CLSTN2: variants seen among roughly 807,000 people sequenced by gnomAD.
CLSTN2 encodes the protein calsyntenin-2.
CLSTN2 carries 48 observed loss-of-function variants against 101.2 expected under a neutral mutation model. That is an observed-to-expected ratio of 0.47 (90% CI 0.38 to 0.60). The LOEUF is 0.60. Among genes scored for constraint, CLSTN2 ranks in the 20% least tolerant of loss-of-function variants. The pLI, the probability that CLSTN2 is intolerant of heterozygous loss-of-function variation, is 0.00. For synonymous variants in CLSTN2, 481 were observed against 463.6 expected (o/e 1.04, Z -0.48); for missense variants, 1,160 against 1,238.2 (o/e 0.94, Z 0.95).
intron 8 of CLSTN2, among the ~76,000 whole-genome samples, chr3:140,483,777 T>TTTTA (rs990993236): frequency 1.2e-4 from 19 of 152,244 alleles, no homozygotes; most frequent in South Asian, 2.1e-4. Flanking sequence ...CCTGCTCTGA[T>TTTTA]TTTATTTATT....
At chr3:140,369,256 G>A (rs2087825168) in intron 2 of CLSTN2, among the ~76,000 whole-genome samples, 2 of 152,188 alleles carry the variant, frequency 1.3e-5, no homozygotes, top group African/African-American at 2.4e-5. Context: ...CACTTCAATT[G>A]TTATACCTTA....
intron 1 of CLSTN2, among the ~76,000 whole-genome samples, chr3:140,043,331 A>C (rs1038415003): frequency 6.6e-6 from 1 of 152,184 alleles, no homozygotes; most frequent in African/African-American, 2.4e-5. Context: ...TCTTTTGAGA[A>C]GTGTCTGTTC....
chr3:140,407,105 G>A (rs992924284), intron 4 of CLSTN2, among the ~76,000 whole-genome samples: 6 of 152,170 alleles, frequency 3.9e-5, no homozygotes, highest in African/African-American at 1.2e-4. Context: ...CAGTCCTCCA[G>A]GTAATGAAGC....
chr3:140,360,365 G>C (rs1029667908), intron 2 of CLSTN2, among the ~76,000 whole-genome samples: 49 of 152,116 alleles, frequency 3.2e-4, no homozygotes, highest in African/African-American at 1.2e-3. Flanking sequence ...TTAATACACA[G>C]AAAAAATCCA....
At chr3:140,300,773 G>C (rs1419168403) in intron 2 of CLSTN2, among the ~76,000 whole-genome samples, 1 of 151,920 alleles carries the variant, frequency 6.6e-6, no homozygotes, top group Non-Finnish European at 1.5e-5. Context: ...GGATTAGTCA[G>C]GGTTCTCTAG....
At chr3:140,403,906 G>A (rs1324671049) in intron 3 of CLSTN2, 82 bp downstream of exon 3, 2 of 1,156,886 alleles carry the variant, frequency 1.7e-6, no homozygotes, top group East Asian at 4.9e-5. Context: ...CTTCAGATAT[G>A]TTTACCCTCT....
rs570193021 is a variant in CLSTN2 at position 140,134,823 on chromosome 3, C to T, written c.110-41128C>T. Among the ~76,000 whole-genome samples, 53 of 151,836 alleles carry T rather than the reference C, an allele frequency of 3.5e-4. 1 individual carries two copies. The highest frequency in any genetic ancestry group is 2.5e-3 in the Admixed American group (38 of 15,198). On this transcript the variant is annotated intron_variant, in intron 1 of 16. Coordinates refer to ENST00000458420, the MANE Select transcript of CLSTN2 (RefSeq NM_022131.3). The stretch of plus-strand genomic sequence containing the variant: ...ATGAGCTGTCATTCCACTAATCCAT[C>T]GGGGAACATCATATTCATCAAGAGC...
chr3:139,961,334 A>T (rs1935506982), intron 1 of CLSTN2, among the ~76,000 whole-genome samples: 1 of 152,188 alleles, frequency 6.6e-6, no homozygotes, highest in Admixed American at 6.5e-5. Context: ...ATCATTGTGC[A>T]CGTGTTTGTG....
At chr3:140,418,517 C>CTT (rs35463586) in intron 4 of CLSTN2, among the ~76,000 whole-genome samples, 1 of 41,300 alleles carries the variant, frequency 2.4e-5, no homozygotes, top group Admixed American at 2.1e-4. Flanking sequence ...TTCTTTCTTT[C>CTT]TTTTTTTTTT....
intron 2 of CLSTN2, among the ~76,000 whole-genome samples, chr3:140,330,530 G>C (rs2087372716): frequency 6.6e-6 from 1 of 152,152 alleles, no homozygotes; most frequent in Non-Finnish European, 1.5e-5. Flanking sequence ...ACCTTTCAAT[G>C]CTTCCTTGTC....
chr3:140,067,413 C>T (rs1376572378), intron 1 of CLSTN2, among the ~76,000 whole-genome samples: 1 of 152,188 alleles, frequency 6.6e-6, no homozygotes, highest in East Asian at 1.9e-4. Context: ...ATGGTCTCTG[C>T]AGTTCTGTGC....
intron 2 of CLSTN2, among the ~76,000 whole-genome samples, chr3:140,219,454 T>C (rs1319810626): frequency 6.6e-6 from 1 of 152,150 alleles, no homozygotes; most frequent in Non-Finnish European, 1.5e-5. Context: ...AATCGGAGAA[T>C]TCAAAGCTCC....
chr3:140,447,410 C>T (rs1933109756), intron 5 of CLSTN2, among the ~76,000 whole-genome samples: 1 of 152,204 alleles, frequency 6.6e-6, no homozygotes, highest in Non-Finnish European at 1.5e-5. Flanking sequence ...CACTGGGAGC[C>T]TGCCTTGAGT....
intron 1 of CLSTN2, among the ~76,000 whole-genome samples, chr3:140,162,594 G>C (rs1003455037): frequency 6.6e-6 from 1 of 152,090 alleles, no homozygotes; most frequent in Admixed American, 6.6e-5. Flanking sequence ...TAGGGTATTC[G>C]CTTGCAACTT....
intron 2 of CLSTN2, among the ~76,000 whole-genome samples, chr3:140,387,016 C>T (rs2088060264): frequency 6.6e-6 from 1 of 152,188 alleles, no homozygotes; most frequent in Non-Finnish European, 1.5e-5. Context: ...TTAGTCTTTT[C>T]TACACCCAAC....
At chr3:140,210,596 G>A (rs916280169) in intron 2 of CLSTN2, among the ~76,000 whole-genome samples, 3 of 152,180 alleles carry the variant, frequency 2.0e-5, no homozygotes, top group African/African-American at 7.2e-5. Flanking sequence ...TAAGGTCACA[G>A]ATGCTTAAGG....
intron 2 of CLSTN2, among the ~76,000 whole-genome samples, chr3:140,240,261 TAC>T (rs2086453786): frequency 5.4e-5 from 5 of 92,346 alleles, no homozygotes; most frequent in African/African-American, 7.2e-5. Flanking sequence ...TATACATATA[TAC>T]ACATATATAC....
rs376445882 is a variant in CLSTN2, at chr3:140,176,060, G to A, written c.219G>A (p.Pro73=). 49 of 1,613,546 alleles carry A rather than the reference G, an allele frequency of 3.0e-5. No individual in the cohort carries two copies. The highest frequency in any genetic ancestry group is 1.7e-4 in the African/African-American group (13 of 74,858). ...PPLVALDKDA[P]VPFAGEICAF... ...TGGTAGCCCTGGATAAAGATGCACC[G>A]GTTCCTTTTGCAGGTGAGATTATGG... Residue 73 remains proline, a synonymous_variant, in exon 2 of 17, where the codon CCG becomes CCA. Transcript: ENST00000458420.
chr3:140,065,723 T>C (rs76069570), intron 1 of CLSTN2, among the ~76,000 whole-genome samples: 4,080 of 152,264 alleles, frequency 0.027, 192 homozygotes, highest in African/African-American at 0.093. Context: ...CCCACTTCCC[T>C]GGAACTATTA....
Sources: gnomAD v4.1 joint callset for allele counts (sites outside exome capture counted in the v4.1 genomes callset) on GRCh38, gnomAD v4.1.1 for gene constraint, MANE v1.5 for transcripts, NCBI Gene and HGNC (gene_info 2026-07-23, HGNC 2026-07-21) for gene names.